Variants in DMD observed in about 807,000 individuals in gnomAD.
DMD encodes mutant dystrophin.
In DMD, 63 loss-of-function variants were observed where a neutral mutation model predicts 330.1. The observed-to-expected ratio is 0.19, with a 90% CI of 0.16 to 0.24. The LOEUF (loss-of-function observed/expected upper bound fraction) is 0.24, where lower values mean the gene tolerates loss of function less well. Among genes scored for constraint, DMD ranks in the 10% least tolerant of loss-of-function variants. DMD has a pLI of 1.00. For missense variants in DMD, 3,344 were observed against 2,684.1 expected (o/e 1.25, Z -5.43); for synonymous variants, 1,223 against 959.8 (o/e 1.27, Z -5.07).
At chrX:31,887,629 C>T (rs2094174637) in intron 47 of DMD, among the ~76,000 whole-genome samples, 1 of 112,054 alleles carries the variant, frequency 8.9e-6, no homozygotes, top group South Asian at 3.7e-4. Flanking sequence ...GAGAAGATTG[C>T]TTAATCCCTC....
chrX:31,245,914 C>G (rs2048787886), intron 63 of DMD, among the ~76,000 whole-genome samples: 1 of 111,168 alleles, frequency 9.0e-6, no homozygotes, highest in South Asian at 3.8e-4. Flanking sequence ...TCTAAGTGTT[C>G]AAGGGAAGAA....
chrX:32,774,489 T>C (rs2073949058), intron 7 of DMD, among the ~76,000 whole-genome samples: 2 of 111,687 alleles, frequency 1.8e-5, no homozygotes, highest in Admixed American at 9.5e-5. Flanking sequence ...GAAAGAGGTT[T>C]AATTGATTCA....
chrX:33,061,037 T>G (rs1380006070), intron 1 of DMD, among the ~76,000 whole-genome samples: 1 of 111,976 alleles, frequency 8.9e-6, no homozygotes, highest in Non-Finnish European at 1.9e-5. Context: ...TGTTTTTCAT[T>G]CAACATCTTA....
At chrX:32,985,955 A>G (rs1025714488) in intron 2 of DMD, among the ~76,000 whole-genome samples, 32 of 111,612 alleles carry the variant, frequency 2.9e-4, no homozygotes, top group African/African-American at 9.8e-4. Context: ...AGTATAGAAG[A>G]TGTCCAAGGA....
intron 55 of DMD, among the ~76,000 whole-genome samples, chrX:31,611,172 T>C (rs1391933448): frequency 9.1e-6 from 1 of 109,745 alleles, no homozygotes; most frequent in Non-Finnish European, 1.9e-5. Flanking sequence ...GCACAAGAAC[T>C]ACCTAGGGGC....
chrX:31,396,265 G>A (rs917042985), intron 60 of DMD, among the ~76,000 whole-genome samples: 9 of 109,781 alleles, frequency 8.2e-5, no homozygotes, highest in Non-Finnish European at 1.7e-4. Flanking sequence ...AGCCTCCTGA[G>A]TAGCTGGGAC....
chrX:31,209,776 C>G, intron 64 of DMD, 77 bp from the exon 65 acceptor site: 1 of 974,701 alleles, frequency 1.0e-6, no homozygotes. Flanking sequence ...CTCTGAGAAT[C>G]CTAGCTAGGA....
At chrX:32,253,411 T>C (rs1258324973) in intron 43 of DMD, among the ~76,000 whole-genome samples, 1 of 110,616 alleles carries the variant, frequency 9.0e-6, no homozygotes, top group Non-Finnish European at 1.9e-5. Context: ...GATGAAAAGC[T>C]ACATAGGGCA....
At position 32,614,162 on chromosome X, in the gene DMD, A is replaced by G. The variant is rs2057385256; in HGVS notation, c.1482+141T>C. ...TGCAACAAAGATTGCAAAAACAATT[A>G]GGTAAAAATAATTTTTAAAATATGG... On this transcript the variant is annotated intron_variant, in intron 12 of 78. Coordinates refer to ENST00000357033, the MANE Select transcript of DMD (RefSeq NM_004006.3). The G allele has an allele frequency of 1.8e-5, 11 of 600,177 alleles. No individual in the cohort carries two copies. In the South Asian group the frequency reaches 3.6e-4, roughly 19 times the overall value. 49.5% of individuals were successfully genotyped at this position (600,177 alleles called of 1,213,427 possible).
intron 13 of DMD, among the ~76,000 whole-genome samples, chrX:32,590,443 G>A (rs2054774615): frequency 8.9e-6 from 1 of 111,779 alleles, no homozygotes; most frequent in Admixed American, 9.5e-5. Context: ...GGGTGTGTCT[G>A]TGAGAGTGTA....
At chrX:31,706,773 A>T (rs187247517) in intron 52 of DMD, among the ~76,000 whole-genome samples, 82 of 112,539 alleles carry the variant, frequency 7.3e-4, no homozygotes, top group African/African-American at 2.4e-3. Flanking sequence ...TTGCTCCTGA[A>T]AATTAGAAAG....
At chrX:31,394,824 T>G (rs189868892) in intron 60 of DMD, among the ~76,000 whole-genome samples, 1 of 111,056 alleles carries the variant, frequency 9.0e-6, no homozygotes, top group Admixed American at 9.6e-5. Flanking sequence ...GATATTCCAT[T>G]TATTTTTCTC....
In DMD at chrX:31,496,842, C is replaced by T. The variant is rs1054990280; in HGVS notation, c.8493G>A (p.Gln2831=). The T allele has an allele frequency of 6.6e-6, 8 of 1,210,736 alleles. No individual in the cohort carries two copies. The South Asian group carries it at 7.0e-5, about 11-fold the overall frequency. ...CTGGAAAGTCGCCTCCAATAGGTGC[C>T]TGCCGGCTTAATTCATCATCTTTCA... ...LQLKDDELSR[Q]APIGGDFPAV... is the part of the protein sequence containing the mutation. Residue 2831 remains glutamine (Q), a synonymous_variant, in exon 57 of 79, where the codon CAG becomes CAA. Transcript: ENST00000357033.
chrX:32,647,757 G>A (rs1423477508), intron 9 of DMD, among the ~76,000 whole-genome samples: 5 of 111,725 alleles, frequency 4.5e-5, no homozygotes, highest in African/African-American at 9.8e-5. Context: ...AGTATGTTAC[G>A]GCTGTAATTA....
intron 44 of DMD, among the ~76,000 whole-genome samples, chrX:32,187,017 T>G (rs1351438537): frequency 1.8e-5 from 2 of 110,267 alleles, no homozygotes; most frequent in African/African-American, 6.6e-5. Context: ...AAATTAAAAG[T>G]TTTTTTTAAA....
intron 5 of DMD, among the ~76,000 whole-genome samples, chrX:32,819,860 A>AG (rs1474465467): frequency 6.3e-5 from 7 of 110,332 alleles, no homozygotes; most frequent in Admixed American, 1.9e-4. Context: ...AAAAAAAAAA[A>AG]AAAAAAGAAA....
At chrX:33,270,116 T>C (rs2053128044) in intron 1 of DMD, among the ~76,000 whole-genome samples, 1 of 111,010 alleles carries the variant, frequency 9.0e-6, no homozygotes, top group African/African-American at 3.3e-5. Flanking sequence ...GTTTTTATCT[T>C]GATACTTTTA....
intron 44 of DMD, among the ~76,000 whole-genome samples, chrX:32,128,601 T>C (rs767439179): frequency 2.5e-4 from 28 of 112,101 alleles, no homozygotes; most frequent in African/African-American, 9.0e-4. Flanking sequence ...AACTATTGAG[T>C]TGCCTGTAAA....
chrX:32,411,383 C>A (rs1255274921), intron 30 of DMD, among the ~76,000 whole-genome samples: 1 of 111,201 alleles, frequency 9.0e-6, no homozygotes, highest in Non-Finnish European at 1.9e-5. Context: ...TGGGCCTCAG[C>A]ATCCCAAAGG....
Sources: allele counts gnomAD v4.1 joint callset (sites outside exome capture counted in the v4.1 genomes callset), GRCh38; gene constraint gnomAD v4.1.1; transcripts MANE v1.5; gene names NCBI Gene and HGNC (gene_info 2026-07-23, HGNC 2026-07-21).